Variants in PTPRZ1 observed in about 807,000 individuals in gnomAD.
The protein encoded by PTPRZ1 is protein tyrosine phosphatase receptor type Z1.
In PTPRZ1, 82 loss-of-function variants were observed where a neutral mutation model predicts 214.1. That is an observed-to-expected ratio of 0.38 (90% CI 0.32 to 0.46). PTPRZ1 has a LOEUF of 0.46. Ranked by LOEUF, PTPRZ1 falls within the 20% of genes least tolerant of loss-of-function variation. The pLI is 1.00. For synonymous variants in PTPRZ1, 945 were observed against 987.9 expected, an observed-to-expected ratio of 0.96 and a Z score of 0.81; for missense variants, 2,603 against 2,748.7, an observed-to-expected ratio of 0.95 and a Z score of 1.19.
At chr7:122,029,376 G>A (rs1038494867) in intron 14 of PTPRZ1, among the ~76,000 whole-genome samples, 1 of 151,726 alleles carries the variant, frequency 6.6e-6, no homozygotes, top group Non-Finnish European at 1.5e-5. Flanking sequence ...AAATTCAAGG[G>A]GTGCATGTGC....
intron 1 of PTPRZ1, among the ~76,000 whole-genome samples, chr7:121,897,365 C>A (rs1794816717): frequency 6.6e-6 from 1 of 151,968 alleles, no homozygotes; most frequent in Non-Finnish European, 1.5e-5. Flanking sequence ...AAGAACTAGT[C>A]TCTATGGAAA....
Position 122,013,322 on chromosome 7 carries a change from GAT to G in PTPRZ1, c.4277_4278del (p.Asp1426GlyfsTer2). Reference sequence around the variant, plus strand: ...AGATGGTGACACTGATGATGATGGTGATGATGATGATGATGACAGAGGTAGTG... The same window carrying G: ...AGATGGTGACACTGATGATGATGGTGGATGATGATGATGACAGAGGTAGTG... ...GEDGDTDDDG[D>X]DDDDDRGSDG... On this transcript the variant is annotated frameshift_variant, in exon 12 of 30. Coordinates refer to ENST00000393386, the MANE Select transcript of PTPRZ1 (RefSeq NM_002851.3). LOFTEE classifies it high-confidence loss of function. The G allele has an allele frequency of 3.5e-6, 2 of 566,928 alleles. No individual in the cohort carries two copies. Among genetic ancestry groups the G allele is most frequent in the Admixed American group, 5.3e-5 (1 of 18,698 alleles). The allele number at this position is 566,928 out of a possible 1,614,324, so 35.1% of individuals were successfully genotyped here. A position where few individuals can be genotyped will look rare whatever the true frequency, so the allele number is the denominator to read the frequency against.
In PTPRZ1 at chr7:121,873,528, G is replaced by A. The variant is rs749433607; in HGVS notation, c.29G>A (p.Cys10Tyr). 2.5e-6 allele frequency: 4 copies of A among 1,614,002 alleles called. No homozygotes were observed. Among genetic ancestry groups the A allele is most frequent in the Non-Finnish European group, 3.4e-6 (4 of 1,180,040 alleles). Reference protein sequence around the residue: MRILKRFLACIQLLCVCRLD... With the variant: MRILKRFLAYIQLLCVCRLD... The stretch of plus-strand genomic sequence containing the variant: ...CGAATCCTAAAGCGTTTCCTCGCTT[G>A]CATTCAGCTCCTCTGTGTTTGCCGC... The change falls in exon 1 of 30, where the codon TGC (cysteine) becomes TAC (tyrosine). Residue 10 changes from cysteine (C) to tyrosine (Y), a missense_variant. This residue lies in a region of PTPRZ1 where 141 missense variants were observed against 143.7 expected (regional missense o/e 0.98). Transcript: ENST00000393386.
chr7:121,879,268 G>C (rs1185575442), intron 1 of PTPRZ1, among the ~76,000 whole-genome samples: 1 of 152,110 alleles, frequency 6.6e-6, no homozygotes, highest in African/African-American at 2.4e-5. Flanking sequence ...CATCCCAGGG[G>C]GCCAGAACAT....
chr7:122,014,281 A>G (rs1024063412), intron 12 of PTPRZ1, among the ~76,000 whole-genome samples: 17 of 151,908 alleles, frequency 1.1e-4, no homozygotes, highest in Middle Eastern at 3.4e-3. Context: ...TTCTAAAATA[A>G]GTTGTAAACT....
chr7:121,978,759 T>A (rs777598751), intron 6 of PTPRZ1, among the ~76,000 whole-genome samples: 1 of 152,218 alleles, frequency 6.6e-6, no homozygotes, highest in African/African-American at 2.4e-5. Flanking sequence ...CCTTCATGCC[T>A]ATCCACTCAT....
chr7:121,888,803 A>C (rs889581556), intron 1 of PTPRZ1, among the ~76,000 whole-genome samples: 1 of 152,172 alleles, frequency 6.6e-6, no homozygotes, highest in Non-Finnish European at 1.5e-5. Context: ...GACACTAAAA[A>C]ACAGACTACT....
At chr7:121,978,417 GC>G (rs1410452685) in intron 6 of PTPRZ1, among the ~76,000 whole-genome samples, 1 of 152,150 alleles carries the variant, frequency 6.6e-6, no homozygotes, top group African/African-American at 2.4e-5. Context: ...AGGTGGAGAG[GC>G]CTCAGGAATC....
At chr7:122,033,845 T>G in intron 15 of PTPRZ1, 1 of 490,386 alleles carries the variant, frequency 2.0e-6, no homozygotes. Context: ...AATCATCATA[T>G]TATGACATCA....
chr7:122,001,164 T>C (rs968974836), intron 10 of PTPRZ1, among the ~76,000 whole-genome samples: 2 of 152,196 alleles, frequency 1.3e-5, no homozygotes, highest in African/African-American at 4.8e-5. Flanking sequence ...TCATTAAGTA[T>C]TATTTCAAAT....
chr7:122,059,329 A>G (rs1246883938), intron 28 of PTPRZ1: 2 of 164,780 alleles, frequency 1.2e-5, no homozygotes, highest in Non-Finnish European at 2.6e-5. Context: ...ACCATCCAAT[A>G]AATCTTCCTA....
intron 12 of PTPRZ1, among the ~76,000 whole-genome samples, chr7:122,016,514 T>G (rs1403898037): frequency 2.0e-5 from 3 of 152,024 alleles, no homozygotes; most frequent in Non-Finnish European, 4.4e-5. Context: ...GAGCTAGGTT[T>G]CATGCCATAG....
At chr7:121,947,174 G>C (rs1796406415) in intron 2 of PTPRZ1, among the ~76,000 whole-genome samples, 1 of 151,890 alleles carries the variant, frequency 6.6e-6, no homozygotes, top group African/African-American at 2.4e-5. Context: ...CAGTGTCAGT[G>C]GGATGTTGGC....
At chr7:121,961,116 C>A (rs1796863064) in intron 2 of PTPRZ1, among the ~76,000 whole-genome samples, 1 of 152,154 alleles carries the variant, frequency 6.6e-6, no homozygotes, top group Admixed American at 6.5e-5. Flanking sequence ...TAGGAGATGT[C>A]TATGAAAATG....
intron 1 of PTPRZ1, among the ~76,000 whole-genome samples, chr7:121,914,561 G>GT (rs985301596): frequency 6.6e-6 from 1 of 152,106 alleles, no homozygotes; most frequent in Non-Finnish European, 1.5e-5. Flanking sequence ...AGGATCAATT[G>GT]TTTTTGTGAA....
intron 1 of PTPRZ1, among the ~76,000 whole-genome samples, chr7:121,919,381 A>T (rs1043851248): frequency 1.3e-5 from 2 of 152,036 alleles, no homozygotes; most frequent in African/African-American, 4.8e-5. Flanking sequence ...ATAATTTTGT[A>T]TGTGTGGAAT....
At chr7:121,982,833 G>A (rs1797652101) in intron 6 of PTPRZ1, among the ~76,000 whole-genome samples, 1 of 151,882 alleles carries the variant, frequency 6.6e-6, no homozygotes, top group South Asian at 2.1e-4. Flanking sequence ...GAGTGCGGTG[G>A]CGCCATCTTG....
chr7:121,906,477 T>C (rs1795120017), intron 1 of PTPRZ1, among the ~76,000 whole-genome samples: 1 of 152,200 alleles, frequency 6.6e-6, no homozygotes, highest in African/African-American at 2.4e-5. Flanking sequence ...TGTTTGATTG[T>C]ATCAATTTGA....
chr7:121,981,001 G>T (rs990893110), intron 6 of PTPRZ1, among the ~76,000 whole-genome samples: 1 of 152,126 alleles, frequency 6.6e-6, no homozygotes, highest in Non-Finnish European at 1.5e-5. Flanking sequence ...AATTAGCCAG[G>T]CGTGGTGGCA....
Sources: gnomAD v4.1 joint callset for allele counts (sites outside exome capture counted in the v4.1 genomes callset) on GRCh38, gnomAD v4.1.1 for gene constraint, gnomAD v4.1.1 regional missense constraint, MANE v1.5 for transcripts, NCBI Gene and HGNC (gene_info 2026-07-23, HGNC 2026-07-21) for gene names.